Variants in NOS1AP observed in about 807,000 individuals in gnomAD.
The protein encoded by NOS1AP is carboxyl-terminal PDZ ligand of neuronal nitric oxide synthase protein.
In NOS1AP, 21 loss-of-function variants were observed where a neutral mutation model predicts 56.2. The ratio of observed to expected loss-of-function variants is 0.37; its 90% CI spans 0.26 to 0.54. The LOEUF is 0.54. NOS1AP is among the 20% of genes least tolerant of loss of function. NOS1AP has a pLI of 0.84. For missense variants in NOS1AP, 522 were observed against 657.8 expected (o/e 0.79, Z 2.26); for synonymous variants, 270 against 274.6 (o/e 0.98, Z 0.17).
intron 2 of NOS1AP, among the ~76,000 whole-genome samples, chr1:162,249,895 A>G (rs1434514821): frequency 2.0e-5 from 3 of 152,218 alleles, no homozygotes; most frequent in Non-Finnish European, 1.5e-5. Flanking sequence ...TGAAGAAGTG[A>G]TAGATGAGTA....
At chr1:162,318,260 G>C (rs347292) in intron 4 of NOS1AP, among the ~76,000 whole-genome samples, 151,016 of 152,348 alleles carry the variant, frequency 0.99, 74,863 homozygotes, top group Middle Eastern at 1. Context: ...CTGTCTTGCC[G>C]TTTCACTGCC....
At chr1:162,300,065 GTC>G (rs2101752994) in intron 3 of NOS1AP, among the ~76,000 whole-genome samples, 1 of 152,252 alleles carries the variant, frequency 6.6e-6, no homozygotes, top group South Asian at 2.1e-4. Context: ...GGACAGCAAA[GTC>G]TCTCTGACAA....
chr1:162,352,047 TC>T (rs1029879115), intron 6 of NOS1AP, among the ~76,000 whole-genome samples: 11 of 140,438 alleles, frequency 7.8e-5, no homozygotes, highest in African/African-American at 2.6e-4. Flanking sequence ...CTTTGTAGGC[TC>T]TGCTTCTTCG....
At chr1:162,315,709 C>A (rs1290109584) in intron 4 of NOS1AP, among the ~76,000 whole-genome samples, 1 of 152,168 alleles carries the variant, frequency 6.6e-6, no homozygotes, top group South Asian at 2.1e-4. Flanking sequence ...CATGATCAAA[C>A]CATGATTAAC....
intron 1 of NOS1AP, among the ~76,000 whole-genome samples, chr1:162,072,570 G>A (rs1441424034): frequency 6.6e-6 from 1 of 152,184 alleles, no homozygotes; most frequent in Non-Finnish European, 1.5e-5. Context: ...TGAGAGAGGT[G>A]AGGCAGAGAA....
intron 2 of NOS1AP, among the ~76,000 whole-genome samples, chr1:162,187,815 T>A (rs914243404): frequency 1.1e-4 from 17 of 152,162 alleles, no homozygotes; most frequent in African/African-American, 4.1e-4. Context: ...CCATGAACAT[T>A]TGCCTGCTGT....
intron 1 of NOS1AP, among the ~76,000 whole-genome samples, chr1:162,132,767 A>C (rs1648806662): frequency 6.6e-6 from 1 of 152,194 alleles, no homozygotes; most frequent in Admixed American, 6.5e-5. Flanking sequence ...CAGCCCTGCA[A>C]ATCTATGAGT....
intron 4 of NOS1AP, among the ~76,000 whole-genome samples, chr1:162,331,884 T>C (rs572543187): frequency 6.6e-6 from 1 of 152,268 alleles, no homozygotes; most frequent in African/African-American, 2.4e-5. Context: ...GGGCCTTGCT[T>C]ATAATTTTCC....
chr1:162,088,890 T>C (rs1487785060), intron 1 of NOS1AP, among the ~76,000 whole-genome samples: 2 of 152,148 alleles, frequency 1.3e-5, no homozygotes, highest in African/African-American at 4.8e-5. Flanking sequence ...TTATGAATTA[T>C]GAATTTATGA....
At chr1:162,185,849 A>T (rs968047457) in intron 2 of NOS1AP, among the ~76,000 whole-genome samples, 2 of 152,198 alleles carry the variant, frequency 1.3e-5, no homozygotes, top group African/African-American at 4.8e-5. Flanking sequence ...GAAAGGATGT[A>T]TGCACTCTCC....
At chr1:162,212,544 G>A (rs1382978438) in intron 2 of NOS1AP, among the ~76,000 whole-genome samples, 2 of 152,256 alleles carry the variant, frequency 1.3e-5, no homozygotes, top group Middle Eastern at 3.4e-3. Context: ...CCGCCACCCC[G>A]CTGCCCACCC....
chr1:162,293,246 G>A lies in NOS1AP; in HGVS notation c.270+5810G>A, dbSNP rs16859876. 7.6e-3 allele frequency among the ~76,000 whole-genome samples: 1,109 copies of A among 146,300 alleles called. 84 individuals carry two copies. The East Asian group carries it at 0.17, about 23-fold the overall frequency. Reference sequence around the variant, plus strand: ...CTTTGCAATTTTTTTTTGAGTCACCGCTGCTATTAGGTGCTTGAATAATGC... The same window carrying A: ...CTTTGCAATTTTTTTTTGAGTCACCACTGCTATTAGGTGCTTGAATAATGC... On this transcript the variant is annotated intron_variant, in intron 3 of 9. Transcript: ENST00000361897.
chr1:162,071,662 G>T (rs1434194062), intron 1 of NOS1AP, among the ~76,000 whole-genome samples: 1 of 152,206 alleles, frequency 6.6e-6, no homozygotes, highest in African/African-American at 2.4e-5. Context: ...TCTTATCTTA[G>T]TTCTCTCATC....
At chr1:162,364,128 A>G (rs932251121) in intron 8 of NOS1AP, 1 of 985,376 alleles carries the variant, frequency 1.0e-6, no homozygotes, top group East Asian at 1.1e-4. Context: ...ATCTCTTTGG[A>G]GCAAACTCCT....
chr1:162,287,596 TG>T (rs1224805107), intron 3 of NOS1AP, among the ~76,000 whole-genome samples, 160 bp downstream of exon 3: 2 of 151,984 alleles, frequency 1.3e-5, no homozygotes, highest in Admixed American at 1.3e-4. Context: ...TGCAGCAGAG[TG>T]TAGGGCGAGG....
chr1:162,284,597 G>C (rs1557862878), intron 2 of NOS1AP, among the ~76,000 whole-genome samples: 2 of 151,998 alleles, frequency 1.3e-5, no homozygotes, highest in African/African-American at 4.8e-5. Context: ...CAGTGACTGT[G>C]CCCACAGACC....
chr1:162,322,875 A>G (rs1434476792), intron 4 of NOS1AP, among the ~76,000 whole-genome samples: 2 of 152,234 alleles, frequency 1.3e-5, no homozygotes, highest in Admixed American at 6.5e-5. Context: ...CGGGTAATGA[A>G]TGACATTCAA....
intron 2 of NOS1AP, among the ~76,000 whole-genome samples, chr1:162,224,763 G>A (rs1022369680): frequency 6.6e-6 from 1 of 152,160 alleles, no homozygotes; most frequent in Non-Finnish European, 1.5e-5. Flanking sequence ...AGTAGTGCCT[G>A]TCTTTGTTCC....
intron 2 of NOS1AP, among the ~76,000 whole-genome samples, chr1:162,261,865 A>AATCC (rs1185159773): frequency 6.6e-6 from 1 of 152,210 alleles, no homozygotes; most frequent in East Asian, 1.9e-4. Context: ...AGATGATTGT[A>AATCC]ATCCAGTGTA....
Sources: gnomAD v4.1 joint callset for allele counts (sites outside exome capture counted in the v4.1 genomes callset) on GRCh38, gnomAD v4.1.1 for gene constraint, MANE v1.5 for transcripts, NCBI Gene and HGNC (gene_info 2026-07-23, HGNC 2026-07-21) for gene names.